The following WWTR1 variants were observed in gnomAD, a reference collection of about 807,000 sequenced individuals.
WWTR1 encodes the protein WW domain containing transcription regulator 1.
Under a neutral mutation model 40.1 loss-of-function variants are expected in WWTR1, and 13 were observed. That is an observed-to-expected ratio of 0.32 (90% CI 0.21 to 0.52). The LOEUF (loss-of-function observed/expected upper bound fraction) is 0.52. Ranked by LOEUF, WWTR1 falls within the 20% of genes least tolerant of loss-of-function variation. WWTR1 has a pLI of 0.97. For synonymous variants in WWTR1, 230 were observed against 210.1 expected (o/e 1.09, Z -0.82); for missense variants, 436 against 523.1 (o/e 0.83, Z 1.63).
intron 3 of WWTR1, among the ~76,000 whole-genome samples, chr3:149,542,873 C>T (rs1034357480): frequency 1.3e-5 from 2 of 150,402 alleles, no homozygotes; most frequent in South Asian, 4.2e-4. Flanking sequence ...GAGATAATTT[C>T]ACCAGATCAT....
rs535654000 is a variant in WWTR1, at chr3:149,524,083, G to A, written c.1018+1930C>T. Among the ~76,000 whole-genome samples, 12 of 152,294 alleles carry A rather than the reference G, an allele frequency of 7.9e-5. No individual in the cohort carries two copies. In the East Asian group the frequency reaches 1.7e-3, roughly 22 times the overall value. On this transcript the variant is annotated intron_variant, in intron 6 of 6. Transcript: ENST00000360632. ...TCTCATGACTCCTCACAACTCTGCC[G>A]TGAGCATATCACTCCCACTTTATGG...
intron 1 of WWTR1, among the ~76,000 whole-genome samples, chr3:149,692,696 C>T (rs771315665): frequency 1.3e-5 from 2 of 152,076 alleles, no homozygotes. Context: ...TGCAATGGTG[C>T]GATCTCAGCT....
At chr3:149,525,121 G>GT (rs1203111610) in intron 6 of WWTR1, among the ~76,000 whole-genome samples, 2 of 152,184 alleles carry the variant, frequency 1.3e-5, no homozygotes, top group Non-Finnish European at 2.9e-5. Context: ...TGGGGACAAG[G>GT]TAAGAGTAAC....
rs557551738 is a variant in WWTR1, at chr3:149,607,466, C to T, written c.432-34466G>A. ...AGTAGCTGGGACTACAGGCACACGCCGCAATGCCCGGGTAAATTTTTGTAT... is the reference window on the plus strand; with the variant it reads ...AGTAGCTGGGACTACAGGCACACGCTGCAATGCCCGGGTAAATTTTTGTAT... On this transcript the variant is annotated intron_variant, in intron 2 of 6. Coordinates refer to ENST00000360632, the MANE Select transcript of WWTR1 (RefSeq NM_015472.6). Among the ~76,000 whole-genome samples the T allele has an allele frequency of 5.9e-5, 9 of 152,192 alleles. No individual in the cohort carries two copies. In the South Asian group the frequency reaches 8.3e-4, roughly 14 times the overall value.
At chr3:149,709,645 C>A (rs539406934) in intron 5 of WWTR1, among the ~76,000 whole-genome samples, 2 of 152,228 alleles carry the variant, frequency 1.3e-5, no homozygotes, top group South Asian at 4.1e-4. Flanking sequence ...TGGCTCACGA[C>A]CGTAATCCCA....
At chr3:149,617,862 T>C (rs1297598825) in intron 2 of WWTR1, among the ~76,000 whole-genome samples, 1 of 152,146 alleles carries the variant, frequency 6.6e-6, no homozygotes, top group Non-Finnish European at 1.5e-5. Flanking sequence ...TCCAATATTA[T>C]TCATGGACTC....
At position 149,656,964 on chromosome 3, in the gene WWTR1, G is replaced by A; in HGVS notation, c.343C>T (p.Gln115Ter). 1 of 1,597,496 alleles carries A rather than the reference G, an allele frequency of 6.3e-7. No individual in the cohort carries two copies. The highest frequency in any genetic ancestry group is 8.5e-7 in the Non-Finnish European group (1 of 1,175,570). The change falls in exon 2 of 7, where the codon CAG (glutamine) becomes TAG (stop). Residue 115 changes from glutamine to a stop codon, truncating the protein, a stop_gained. Coordinates refer to ENST00000360632, the MANE Select transcript of WWTR1 (RefSeq NM_015472.6). LOFTEE classifies it high-confidence loss of function. ...SPAQQHAHLRQQSYDVTDELP... is the reference protein window; with the variant it reads ...SPAQQHAHLR ...TCGTCGGTCACGTCGTAGGACTGCT[G>A]GCGGAGGTGCGCGTGCTGCTGCGCG...
At chr3:149,552,005 T>C (rs1186286797) in intron 3 of WWTR1, among the ~76,000 whole-genome samples, 1 of 146,214 alleles carries the variant, frequency 6.8e-6, no homozygotes, top group Non-Finnish European at 1.5e-5. Flanking sequence ...ATTTATGACA[T>C]TTATTTTATG....
intron 5 of WWTR1, among the ~76,000 whole-genome samples, chr3:149,711,249 G>A (rs1715472097): frequency 6.6e-6 from 1 of 151,184 alleles, no homozygotes; most frequent in Admixed American, 6.6e-5. Flanking sequence ...CTTGAGCCCA[G>A]AAGTTCAGGA....
At chr3:149,533,786 T>C (rs112838046) in intron 4 of WWTR1, among the ~76,000 whole-genome samples, 6,843 of 152,244 alleles carry the variant, frequency 0.045, 206 homozygotes, top group Middle Eastern at 0.075. Flanking sequence ...TTTATAAGAC[T>C]GATCTTGCTG....
At chr3:149,656,077 C>T (rs925326799) in intron 2 of WWTR1, among the ~76,000 whole-genome samples, 6 of 152,134 alleles carry the variant, frequency 3.9e-5, no homozygotes, top group African/African-American at 1.4e-4. Flanking sequence ...TCTTAGGGTA[C>T]CACAATTGAA....
chr3:149,619,025 T>C (rs1447047047), intron 2 of WWTR1, among the ~76,000 whole-genome samples: 3 of 152,194 alleles, frequency 2.0e-5, no homozygotes, highest in Non-Finnish European at 2.9e-5. Flanking sequence ...TGCCATTCTG[T>C]CATGACCTTA....
At chr3:149,535,224 G>C (rs1349095793) in intron 4 of WWTR1, among the ~76,000 whole-genome samples, 1 of 135,090 alleles carries the variant, frequency 7.4e-6, no homozygotes, top group East Asian at 2.2e-4. Context: ...GGGGTGAGTA[G>C]AAAGAAAATG....
At chr3:149,560,744 A>G (rs2107973970) in intron 3 of WWTR1, among the ~76,000 whole-genome samples, 1 of 152,304 alleles carries the variant, frequency 6.6e-6, no homozygotes, top group Non-Finnish European at 1.5e-5. Flanking sequence ...GAGAAATATA[A>G]TACTGAAAAG....
upstream of WWTR1, chr3:149,660,988 G>A (rs941328200): frequency 3.9e-5 from 6 of 152,248 alleles, no homozygotes; most frequent in East Asian, 1.2e-3. Context: ...CACTTAATCT[G>A]GACTGGGCCA....
At chr3:149,716,018 A>G (rs1420598963) in intron 5 of WWTR1, among the ~76,000 whole-genome samples, 1 of 152,194 alleles carries the variant, frequency 6.6e-6, no homozygotes, top group Non-Finnish European at 1.5e-5. Context: ...AACATTGACA[A>G]AACATTGAAC....
chr3:149,531,675 C>T lies in WWTR1; in HGVS notation c.772-3706G>A, dbSNP rs550015156. 2.6e-5 allele frequency among the ~76,000 whole-genome samples: 4 copies of T among 152,226 alleles called. No individual in the cohort carries two copies. In the South Asian group the frequency reaches 8.3e-4, roughly 32 times the overall value. ...AGACGCCATCTCTTCAGAGATGCTCCTACCTCACCCCTGTCTAAAATGGCC... is the reference window on the plus strand; with the variant it reads ...AGACGCCATCTCTTCAGAGATGCTCTTACCTCACCCCTGTCTAAAATGGCC... On this transcript the variant is annotated intron_variant, in intron 4 of 6. Coordinates refer to ENST00000360632, the MANE Select transcript of WWTR1 (RefSeq NM_015472.6).
chr3:149,540,088 ACAC>A (rs1736019610), intron 4 of WWTR1: 1 of 179,664 alleles, frequency 5.6e-6, no homozygotes, highest in Non-Finnish European at 9.8e-6. Flanking sequence ...CTACACACAC[ACAC>A]ACACACACAC....
intron 2 of WWTR1, among the ~76,000 whole-genome samples, chr3:149,616,267 T>A (rs1739963109): frequency 6.6e-6 from 1 of 152,180 alleles, no homozygotes; most frequent in African/African-American, 2.4e-5. Context: ...TCCCCTTAAT[T>A]GAGAATGTCC....
Sources: gnomAD v4.1 joint callset for allele counts (sites outside exome capture counted in the v4.1 genomes callset) on GRCh38, gnomAD v4.1.1 for gene constraint, MANE v1.5 for transcripts, NCBI Gene and HGNC (gene_info 2026-07-23, HGNC 2026-07-21) for gene names.